MEI1: variants seen among roughly 807,000 people sequenced by gnomAD.
The protein encoded by MEI1 is meiosis inhibitor protein 1.
MEI1 carries 103 observed loss-of-function variants against 146.2 expected under a neutral mutation model. The ratio of observed to expected loss-of-function variants is 0.70; its 90% CI spans 0.60 to 0.83. The LOEUF (loss-of-function observed/expected upper bound fraction) is 0.83. MEI1 is among the 40% of genes least tolerant of loss of function. The pLI, the probability that MEI1 is intolerant of heterozygous loss-of-function variation, is 0.00. For synonymous variants in MEI1, 652 were observed against 628.2 expected (o/e 1.04, Z -0.57); for missense variants, 1,529 against 1,533.0 (o/e 1.00, Z 0.04).
chr22:41,720,648 T>C (rs1006200909), intron 6 of MEI1, among the ~76,000 whole-genome samples: 2 of 149,132 alleles, frequency 1.3e-5, no homozygotes, highest in Admixed American at 1.4e-4. Context: ...CAGGCTGGAG[T>C]GCAGTGGGCG....
At chr22:41,792,304 T>C (rs2076207741) in intron 26 of MEI1, among the ~76,000 whole-genome samples, 1 of 152,138 alleles carries the variant, frequency 6.6e-6, no homozygotes, top group Non-Finnish European at 1.5e-5. Flanking sequence ...CTATGCAGAA[T>C]CTTCAGCAGT....
intron 19 of MEI1, among the ~76,000 whole-genome samples, chr22:41,769,859 G>A (rs1160803132): frequency 6.6e-6 from 1 of 151,890 alleles, no homozygotes. Context: ...ACAAGGCCGG[G>A]CACGGTGGCT....
chr22:41,766,391 C>T (rs1024893629), intron 19 of MEI1, among the ~76,000 whole-genome samples: 5 of 147,446 alleles, frequency 3.4e-5, no homozygotes, highest in African/African-American at 1.3e-4. Context: ...AGGCTGGTCT[C>T]GAACTCCTGA....
At position 41,799,424 on chromosome 22, in the gene MEI1, T is replaced by C. The variant is rs1036945954; in HGVS notation, c.*125T>C. ...GGAGCCATATACTCTATTGTTGAAATAGAATAAGGAAATAAAATGATACAC... is the reference window on the plus strand; with the variant it reads ...GGAGCCATATACTCTATTGTTGAAACAGAATAAGGAAATAAAATGATACAC... On this transcript the variant is annotated 3_prime_UTR_variant, in exon 31 of 31. Transcript: ENST00000401548. The C allele has an allele frequency of 6.8e-6, 6 of 884,934 alleles. No homozygotes were observed. In the East Asian group the frequency reaches 1.4e-4, roughly 20 times the overall value. The allele number at this position is 884,934 out of a possible 1,614,324, so 54.8% of individuals were successfully genotyped here.
At chr22:41,764,230 G>T (rs377013947) in intron 19 of MEI1, among the ~76,000 whole-genome samples, 23 of 152,286 alleles carry the variant, frequency 1.5e-4, no homozygotes, top group East Asian at 1.4e-3. Flanking sequence ...AAAGTGCTGG[G>T]ATTACAGGCG....
chr22:41,735,737 CTG>C (rs2072306327), intron 11 of MEI1, among the ~76,000 whole-genome samples: 2 of 152,126 alleles, frequency 1.3e-5, no homozygotes, highest in South Asian at 2.1e-4. Context: ...GCAGAGGTAA[CTG>C]TATCTGTTGA....
intron 11 of MEI1, among the ~76,000 whole-genome samples, chr22:41,738,153 A>C (rs1232207316): frequency 6.6e-6 from 1 of 152,058 alleles, no homozygotes; most frequent in African/African-American, 2.4e-5. Context: ...CATCCCTACA[A>C]AACAATATAA....
intron 5 of MEI1, among the ~76,000 whole-genome samples, chr22:41,717,307 C>T (rs1245079233): frequency 2.0e-5 from 3 of 152,072 alleles, no homozygotes; most frequent in South Asian, 2.1e-4. Context: ...GGATTATAGG[C>T]GTCCGCCACA....
At chr22:41,792,431 C>T (rs2076211970) in intron 26 of MEI1, among the ~76,000 whole-genome samples, 1 of 152,180 alleles carries the variant, frequency 6.6e-6, no homozygotes, top group Admixed American at 6.5e-5. Flanking sequence ...TTTTACTAAT[C>T]TTTATGTTCT....
At chr22:41,745,295 C>T (rs140282287) in intron 13 of MEI1, among the ~76,000 whole-genome samples, 203 of 152,232 alleles carry the variant, frequency 1.3e-3, no homozygotes, top group African/African-American at 4.6e-3. Flanking sequence ...TGCTACTGTG[C>T]CATGAGGTTG....
chr22:41,763,267 A>G lies in MEI1; in HGVS notation c.2214A>G (p.Lys738=), dbSNP rs775255637. Residue 738 remains lysine, a synonymous_variant, in exon 19 of 31, where the codon AAA becomes AAG. Transcript: ENST00000401548. ...AGCGCCCCCCACTGGTGGTCTTCAA[A>G]GCCTCCATCTATCTGCTTGCAATCT... The part of the protein sequence containing the change: ...QGERPPLVVF[K]ASIYLLAICQ... 1.9e-6 allele frequency: 3 copies of G among 1,613,964 alleles called. No homozygotes were observed. In the Admixed American group the frequency reaches 5.0e-5, roughly 27 times the overall value.
intron 11 of MEI1, among the ~76,000 whole-genome samples, chr22:41,735,234 T>G (rs1454036329): frequency 6.7e-6 from 1 of 148,482 alleles, no homozygotes; most frequent in Non-Finnish European, 1.5e-5. Flanking sequence ...AGTGTTTTTT[T>G]TTTTTTTTTT....
rs1468721567 is a variant in MEI1 at position 41,770,666 on chromosome 22, T to G, written c.2269-20T>G. On this transcript the variant is annotated intron_variant, in intron 19 of 30. Coordinates refer to ENST00000401548, the MANE Select transcript of MEI1 (RefSeq NM_152513.4). ...TCCTCTGCAAGGTGTATTTACCTCC[T>G]TTCTTTGTTTTGCCTCCAGACTATG... 1 of 1,609,338 alleles carries G rather than the reference T, an allele frequency of 6.2e-7. No homozygotes were observed. The highest frequency in any genetic ancestry group is 1.7e-5 in the Admixed American group (1 of 59,456).
chr22:41,726,984 A>G (rs1348997025), intron 7 of MEI1, among the ~76,000 whole-genome samples: 1 of 151,980 alleles, frequency 6.6e-6, no homozygotes, highest in African/African-American at 2.4e-5. Context: ...CGTGTTAGCC[A>G]GCATGGTCTC....
intron 30 of MEI1, among the ~76,000 whole-genome samples, chr22:41,798,445 G>A (rs1290427894): frequency 6.6e-6 from 1 of 152,024 alleles, no homozygotes; most frequent in African/African-American, 2.4e-5. Context: ...GGGCGTGGTA[G>A]CATGAGCCTG....
chr22:41,746,041 GC>G lies in MEI1; in HGVS notation c.1680+17del. The G allele has an allele frequency of 6.4e-7, 1 of 1,570,222 alleles. No homozygotes were observed. Among genetic ancestry groups the G allele is most frequent in the Non-Finnish European group, 8.7e-7 (1 of 1,154,432 alleles). On this transcript the variant is annotated intron_variant, in intron 14 of 30. Coordinates refer to ENST00000401548, the MANE Select transcript of MEI1 (RefSeq NM_152513.4). ...CCATGGTGATGGTGGGTTCTCCTGA[GC>G]CACGGGCAACATGAAGCTTGGGGAA...
At chr22:41,702,696 C>T (rs922826226) in intron 1 of MEI1, among the ~76,000 whole-genome samples, 2 of 151,916 alleles carry the variant, frequency 1.3e-5, no homozygotes, top group East Asian at 1.9e-4. Context: ...CTGCCTGCTT[C>T]GGCCTCCCAA....
intron 18 of MEI1, among the ~76,000 whole-genome samples, chr22:41,762,774 TA>T (rs1324375635): frequency 6.6e-6 from 1 of 152,118 alleles, no homozygotes; most frequent in African/African-American, 2.4e-5. Context: ...TTTTGTCATT[TA>T]TGCTTTTGGT....
At chr22:41,699,845 C>T (rs2147169125) in intron 1 of MEI1, 133 bp downstream of exon 1, 1 of 1,158,138 alleles carries the variant, frequency 8.6e-7, no homozygotes, top group East Asian at 2.8e-5. Flanking sequence ...TCACTCTCCT[C>T]CCTGTCAGCC....
Sources: gnomAD v4.1 joint callset for allele counts (sites outside exome capture counted in the v4.1 genomes callset) on GRCh38, gnomAD v4.1.1 for gene constraint, MANE v1.5 for transcripts, NCBI Gene and HGNC (gene_info 2026-07-23, HGNC 2026-07-21) for gene names.